The following HNF4G variants were observed in gnomAD, a reference collection of about 807,000 sequenced individuals.
The protein encoded by HNF4G is hepatocyte nuclear factor 4 gamma, also known as hepatocyte nuclear factor 4-gamma.
HNF4G carries 21 observed loss-of-function variants against 50.9 expected under a neutral mutation model. The observed-to-expected ratio is 0.41, with a 90% confidence interval of 0.29 to 0.59. HNF4G has a LOEUF of 0.59. Ranked by LOEUF, HNF4G falls within the 20% of genes least tolerant of loss-of-function variation. The pLI, the probability that HNF4G is intolerant of heterozygous loss-of-function variation, is 0.26. For synonymous variants in HNF4G, 198 were observed against 185.6 expected (o/e 1.07, Z -0.54); for missense variants, 527 against 559.4 (o/e 0.94, Z 0.58).
chr8:75,529,921 T>A (rs767764889), intron 2 of HNF4G, among the ~76,000 whole-genome samples: 14 of 152,116 alleles, frequency 9.2e-5, no homozygotes, highest in Non-Finnish European at 1.9e-4. Context: ...CAACCACCAT[T>A]CACCTTTCTC....
At position 75,458,830 on chromosome 8, in the gene HNF4G, A is replaced by G. The variant is rs191443496; in HGVS notation, c.-143-31259A>G. Among the ~76,000 whole-genome samples, 153 of 152,300 alleles carry G rather than the reference A, an allele frequency of 1.0e-3. 1 individual carries two copies. Among genetic ancestry groups the G allele is most frequent in the Admixed American group, 1.6e-3 (25 of 15,288 alleles). On this transcript the variant is annotated intron_variant, in intron 1 of 10. Transcript: ENST00000354370. ...AGTGAAAACTAAAGAGAATAATGAC[A>G]ATCTTTCTTCTATTTTATTTTTCTA...
intron 1 of HNF4G, among the ~76,000 whole-genome samples, chr8:75,412,966 T>C (rs1810536570): frequency 6.6e-6 from 1 of 151,984 alleles, no homozygotes; most frequent in Admixed American, 6.6e-5. Flanking sequence ...AAAGGGTACA[T>C]TTAGCTTGAG....
At chr8:75,550,700 C>CT (rs34842850) in intron 3 of HNF4G, among the ~76,000 whole-genome samples, 4,972 of 147,794 alleles carry the variant, frequency 0.034, 101 homozygotes, top group South Asian at 0.058. Context: ...TTACATTACT[C>CT]TTTTTTTTTT....
At chr8:75,469,593 CAGTCTCTTGCCTG>C (rs1469382377) in intron 1 of HNF4G, among the ~76,000 whole-genome samples, 1 of 152,168 alleles carries the variant, frequency 6.6e-6, no homozygotes, top group Non-Finnish European at 1.5e-5. Flanking sequence ...GAAAGGGCCT[CAGTCTCTTGCCTG>C]AGTCTGAGAC....
chr8:75,549,001 A>C (rs1219749598), intron 3 of HNF4G, among the ~76,000 whole-genome samples: 1 of 152,186 alleles, frequency 6.6e-6, no homozygotes, highest in Non-Finnish European at 1.5e-5. Context: ...AACTAATTAC[A>C]CACTTGGTCA....
intron 2 of HNF4G, among the ~76,000 whole-genome samples, chr8:75,526,361 T>C (rs1329106152): frequency 1.3e-5 from 2 of 152,074 alleles, no homozygotes; most frequent in Non-Finnish European, 2.9e-5. Flanking sequence ...TCTAAATCAA[T>C]ACGTGGACAC....
rs377653692 is a variant in HNF4G, at chr8:75,438,534, C to T, written c.-144+30372C>T. On this transcript the variant is annotated intron_variant, in intron 1 of 10. Transcript: ENST00000354370. ...ATTCCTTTCTTTCCTCTCAATCTCC[C>T]TCCCTCTTTCTCTCTCTTCATCCCT... 1.3e-3 allele frequency among the ~76,000 whole-genome samples: 190 copies of T among 151,988 alleles called. 6 individuals are homozygous for T. The South Asian group carries it at 0.03, about 24-fold the overall frequency.
chr8:75,514,720 C>T (rs1220997787), intron 2 of HNF4G, among the ~76,000 whole-genome samples: 2 of 151,998 alleles, frequency 1.3e-5, no homozygotes, highest in South Asian at 2.1e-4. Flanking sequence ...GGTTTTGTTA[C>T]TGCTGTTTAC....
chr8:75,520,317 C>A (rs557994694), intron 2 of HNF4G, among the ~76,000 whole-genome samples: 24 of 152,074 alleles, frequency 1.6e-4, no homozygotes, highest in African/African-American at 5.5e-4. Context: ...TTTCACTATT[C>A]TTATTTTATT....
intron 3 of HNF4G, among the ~76,000 whole-genome samples, chr8:75,549,729 A>G (rs577753508): frequency 1.3e-5 from 2 of 152,018 alleles, no homozygotes; most frequent in East Asian, 3.9e-4. Context: ...ATTTAGCATT[A>G]GGTATATCTC....
At chr8:75,543,778 A>G (rs764460013) in intron 1 of HNF4G, 33 bp from the exon 2 acceptor site, 51 of 1,571,350 alleles carry the variant, frequency 3.2e-5, no homozygotes, top group Non-Finnish European at 4.3e-5. Flanking sequence ...AATAGTACTA[A>G]CTCTAACTGT....
chr8:75,550,319 T>A lies in HNF4G; in HGVS notation c.383-1069T>A, dbSNP rs545141967. On this transcript the variant is annotated intron_variant, in intron 3 of 9. Coordinates refer to ENST00000396423, the MANE Select transcript of HNF4G (RefSeq NM_004133.5). ...TATTCTCTCTCTCTCTCTTTTTTTTTAATTTTATTTTGAGATGGAGTCTCA... is the reference window on the plus strand; with the variant it reads ...TATTCTCTCTCTCTCTCTTTTTTTTAAATTTTATTTTGAGATGGAGTCTCA... Among the ~76,000 whole-genome samples the A allele has an allele frequency of 3.2e-4, 48 of 152,062 alleles. No individual in the cohort carries two copies. The East Asian group carries it at 5.6e-3, about 18-fold the overall frequency.
chr8:75,483,435 G>C (rs1488887827), intron 1 of HNF4G, among the ~76,000 whole-genome samples: 1 of 152,054 alleles, frequency 6.6e-6, no homozygotes, highest in African/African-American at 2.4e-5. Flanking sequence ...TGTTAAAAAG[G>C]AACAGTCCAC....
intron 1 of HNF4G, among the ~76,000 whole-genome samples, chr8:75,442,253 A>T (rs746554726): frequency 1.3e-5 from 2 of 152,168 alleles, no homozygotes; most frequent in African/African-American, 4.8e-5. Context: ...ATTACTGTTC[A>T]TTCTCTACTT....
At chr8:75,534,004 T>C (rs1806396702) in intron 2 of HNF4G, among the ~76,000 whole-genome samples, 1 of 151,934 alleles carries the variant, frequency 6.6e-6, no homozygotes, top group Non-Finnish European at 1.5e-5. Context: ...TAAATTGCAC[T>C]CAGCATAGTG....
chr8:75,495,889 C>G (rs544136808), intron 2 of HNF4G, among the ~76,000 whole-genome samples: 1 of 152,098 alleles, frequency 6.6e-6, no homozygotes, highest in East Asian at 1.9e-4. Flanking sequence ...ATAGCCCTTA[C>G]CTTAATAAAG....
intron 2 of HNF4G, among the ~76,000 whole-genome samples, chr8:75,545,742 T>A (rs1806759237): frequency 6.6e-6 from 1 of 152,170 alleles, no homozygotes; most frequent in Non-Finnish European, 1.5e-5. Context: ...ACAATTTGTA[T>A]GTGTACTCTA....
chr8:75,417,919 T>C (rs1810680669), intron 1 of HNF4G, among the ~76,000 whole-genome samples: 1 of 151,986 alleles, frequency 6.6e-6, no homozygotes, highest in African/African-American at 2.4e-5. Context: ...TTTTGCACGA[T>C]AAATTTTGAA....
chr8:75,497,891 A>G (rs1162780882), intron 2 of HNF4G, among the ~76,000 whole-genome samples: 1 of 152,082 alleles, frequency 6.6e-6, no homozygotes, highest in Admixed American at 6.6e-5. Flanking sequence ...AAATGTATAA[A>G]CACTACACAA....
Sources: gnomAD v4.1 joint callset for allele counts (sites outside exome capture counted in the v4.1 genomes callset) on GRCh38, gnomAD v4.1.1 for gene constraint, MANE v1.5 for transcripts, NCBI Gene and HGNC (gene_info 2026-07-23, HGNC 2026-07-21) for gene names.